P2RY14: variants seen among roughly 807,000 people sequenced by gnomAD.
The protein encoded by P2RY14 is purinergic receptor P2Y14, also known as P2Y purinoceptor 14.
In P2RY14, 2 loss-of-function variants were observed where a neutral mutation model predicts 0.9. That is an observed-to-expected ratio of 2.16 (90% CI 0.88 to 6.79). The LOEUF (loss-of-function observed/expected upper bound fraction) is 6.79. P2RY14 is among the 30% of genes most tolerant of loss of function. P2RY14 has a pLI of 0.05. For missense variants in P2RY14, 378 were observed against 400.1 expected (o/e 0.94, Z 0.47); for synonymous variants, 158 against 147.2 (o/e 1.07, Z -0.53).
intron 1 of P2RY14, chr3:151,270,196 C>CTGTGTGTGT (rs71621430): frequency 4.6e-5 from 6 of 129,706 alleles, no homozygotes; most frequent in African/African-American, 1.3e-4. Flanking sequence ...AGCAAGCTGT[C>CTGTGTGTGT]GTGTGTGTGT....
intron 1 of P2RY14, among the ~76,000 whole-genome samples, chr3:151,266,570 A>G (rs1739872067): frequency 6.6e-6 from 1 of 152,172 alleles, no homozygotes; most frequent in Non-Finnish European, 1.5e-5. Flanking sequence ...GCTATAAGAG[A>G]TGGGGGTTGC....
intron 1 of P2RY14, among the ~76,000 whole-genome samples, chr3:151,246,233 C>A (rs1312313192): frequency 6.6e-6 from 1 of 152,158 alleles, no homozygotes; most frequent in Non-Finnish European, 1.5e-5. Flanking sequence ...CCCCATCAAG[C>A]TACCAATGCC....
chr3:151,275,553 A>G (rs1345307240), intron 1 of P2RY14, among the ~76,000 whole-genome samples: 1 of 152,220 alleles, frequency 6.6e-6, no homozygotes, highest in Non-Finnish European at 1.5e-5. Context: ...CTTTGACTTT[A>G]AAGAACAGGT....
At position 151,214,033 on chromosome 3, in the gene P2RY14, C is replaced by T. The variant is rs1213321344; in HGVS notation, c.284G>A (p.Arg95Lys). 6.2e-7 allele frequency: 1 copy of T among 1,614,032 alleles called. No individual in the cohort carries two copies. The highest frequency in any genetic ancestry group is 8.5e-7 in the Non-Finnish European group (1 of 1,180,020). ...GACGTAGAAGAGCACGGCAGAGACC[C>T]TGCACACAAACACGTTCAGCTGCCA... ...GPWQLNVFVC[R>K]VSAVLFYVNM... Residue 95 changes from arginine (R) to lysine (K), a missense_variant, in exon 3 of 3, where the codon AGG becomes AAG. Physicochemically the swap from Arg to Lys is conservative, Grantham distance 26. Transcript: ENST00000309170.
intron 1 of P2RY14, among the ~76,000 whole-genome samples, chr3:151,277,355 A>T (rs1191640071): frequency 2.0e-5 from 3 of 152,202 alleles, no homozygotes; most frequent in African/African-American, 7.2e-5. Flanking sequence ...TTTACAAATC[A>T]TAAAATATGC....
intron 1 of P2RY14, among the ~76,000 whole-genome samples, chr3:151,266,093 C>A (rs965673886): frequency 6.6e-6 from 1 of 152,138 alleles, no homozygotes; most frequent in Admixed American, 6.6e-5. Context: ...GCCATCTTTC[C>A]CCTTTCAGTT....
chr3:151,212,971 T>C lies in P2RY14; in HGVS notation c.*329A>G. ...AGTTGTCTTTGATTATGTTGTGTTT[T>C]ATTTACTATTTAAATTTCTACATTA... On this transcript the variant is annotated 3_prime_UTR_variant, in exon 3 of 3. Coordinates refer to ENST00000309170, the MANE Select transcript of P2RY14 (RefSeq NM_014879.4). 1.2e-5 allele frequency: 2 copies of C among 160,380 alleles called. No homozygotes were observed. Among genetic ancestry groups the C allele is most frequent in the Admixed American group, 6.4e-5 (1 of 15,638 alleles). The allele number at this position is 160,380 out of a possible 1,614,324, so 9.9% of individuals were successfully genotyped here.
At chr3:151,229,103 C>G (rs1006152495) in intron 1 of P2RY14, among the ~76,000 whole-genome samples, 4 of 152,148 alleles carry the variant, frequency 2.6e-5, no homozygotes, top group Non-Finnish European at 5.9e-5. Flanking sequence ...GTTCAAGATT[C>G]AGGCTTATAT....
At chr3:151,266,263 T>A (rs1327859287) in intron 1 of P2RY14, among the ~76,000 whole-genome samples, 1 of 152,210 alleles carries the variant, frequency 6.6e-6, no homozygotes, top group Non-Finnish European at 1.5e-5. Flanking sequence ...ATTCAACATC[T>A]TCTATTAAAA....
intron 1 of P2RY14, among the ~76,000 whole-genome samples, chr3:151,248,621 C>CT (rs1736227989): frequency 6.6e-6 from 1 of 152,016 alleles, no homozygotes; most frequent in African/African-American, 2.4e-5. Flanking sequence ...TTCCTAATGC[C>CT]TAATGTACAA....
chr3:151,237,439 T>A lies in P2RY14; in HGVS notation c.-132-17797A>T, dbSNP rs1462913594. On this transcript the variant is annotated intron_variant, in intron 1 of 2. Coordinates refer to ENST00000309170, the MANE Select transcript of P2RY14 (RefSeq NM_014879.4). ...ATCTTGGCTCACTGCAACCTCCACC[T>A]CCTGGGTTCAAGCGATTCTCCTGCC... is the stretch of plus-strand genomic sequence containing the variant. 1.5e-5 allele frequency among the ~76,000 whole-genome samples: 2 copies of A among 129,924 alleles called. 1 individual carries two copies. Among genetic ancestry groups the A allele is most frequent in the Non-Finnish European group, 3.1e-5 (2 of 63,904 alleles). The allele number at this position is 129,924 out of a possible 152,430, so 85.2% of individuals were successfully genotyped here. A position where few individuals can be genotyped will look rare whatever the true frequency, so the allele number is the denominator to read the frequency against.
At chr3:151,229,859 G>A (rs896481069) in intron 1 of P2RY14, among the ~76,000 whole-genome samples, 1 of 152,200 alleles carries the variant, frequency 6.6e-6, no homozygotes, top group Non-Finnish European at 1.5e-5. Flanking sequence ...GGACTTAAGG[G>A]TGAAAGATGC....
intron 1 of P2RY14, among the ~76,000 whole-genome samples, chr3:151,226,119 G>A (rs1730442371): frequency 6.6e-6 from 1 of 152,148 alleles, no homozygotes; most frequent in Admixed American, 6.5e-5. Context: ...TATGACATGG[G>A]GTCATCATTG....
At chr3:151,233,110 C>T (rs1377421080) in intron 1 of P2RY14, among the ~76,000 whole-genome samples, 5 of 152,172 alleles carry the variant, frequency 3.3e-5, no homozygotes, top group Non-Finnish European at 7.3e-5. Flanking sequence ...TGAGCAGCCC[C>T]ATTTCTTTCC....
chr3:151,244,515 C>G (rs1734928918), intron 1 of P2RY14, among the ~76,000 whole-genome samples: 1 of 149,116 alleles, frequency 6.7e-6, no homozygotes, highest in African/African-American at 2.5e-5. Flanking sequence ...TCCTGAATGA[C>G]TACTGGGTAC....
chr3:151,259,415 A>G (rs1197711793), intron 1 of P2RY14, among the ~76,000 whole-genome samples: 1 of 152,216 alleles, frequency 6.6e-6, no homozygotes, highest in East Asian at 1.9e-4. Flanking sequence ...TGATTTGGAT[A>G]GGGTGGTCTT....
intron 2 of P2RY14, among the ~76,000 whole-genome samples, chr3:151,216,782 TAAGG>T (rs1003536770): frequency 1.4e-4 from 22 of 152,294 alleles, no homozygotes; most frequent in Admixed American, 4.6e-4. Flanking sequence ...TTTTAAAAGA[TAAGG>T]GAGGGGGAGC....
At chr3:151,274,149 A>G (rs913556455) in intron 1 of P2RY14, among the ~76,000 whole-genome samples, 3 of 152,236 alleles carry the variant, frequency 2.0e-5, no homozygotes, top group Admixed American at 6.5e-5. Context: ...CCTCGCTGCC[A>G]CAAAACCAAA....
intron 1 of P2RY14, among the ~76,000 whole-genome samples, chr3:151,265,334 G>T (rs146652162): frequency 2.0e-5 from 3 of 152,150 alleles, no homozygotes; most frequent in African/African-American, 7.2e-5. Flanking sequence ...TAAAACTGTT[G>T]AGTTTATTTT....
Sources: allele counts gnomAD v4.1 joint callset (sites outside exome capture counted in the v4.1 genomes callset), GRCh38; gene constraint gnomAD v4.1.1; transcripts MANE v1.5; gene names NCBI Gene and HGNC (gene_info 2026-07-23, HGNC 2026-07-21).